The following ADGRL3 variants were observed in gnomAD, a reference collection of about 807,000 sequenced individuals.
The protein encoded by ADGRL3 is calcium-independent alpha-latrotoxin receptor 3.
A neutral mutation model predicts 153.5 loss-of-function variants in ADGRL3; 62 were observed. That is an observed-to-expected ratio of 0.40 (90% CI 0.33 to 0.50). ADGRL3 has a LOEUF of 0.50. Among genes scored for constraint, ADGRL3 ranks in the 20% least tolerant of loss-of-function variants. The probability of loss-of-function intolerance (pLI) is 0.47; values close to 1 mark genes in which losing one functional copy is unlikely to be tolerated. For synonymous variants in ADGRL3, 710 were observed against 672.5 expected (o/e 1.06, Z -0.86); for missense variants, 1,641 against 1,859.4 (o/e 0.88, Z 2.16).
intron 5 of ADGRL3, among the ~76,000 whole-genome samples, chr4:61,645,195 G>A (rs1178816901): frequency 2.6e-5 from 4 of 152,074 alleles, no homozygotes; most frequent in Admixed American, 2.6e-4. Flanking sequence ...ACATGAGATG[G>A]GTTTTCTGAA....
At chr4:61,334,752 G>A (rs2095643460) in intron 1 of ADGRL3, among the ~76,000 whole-genome samples, 1 of 151,986 alleles carries the variant, frequency 6.6e-6, no homozygotes, top group African/African-American at 2.4e-5. Context: ...GACTTTGCTA[G>A]GCAAGAATAT....
intron 1 of ADGRL3, among the ~76,000 whole-genome samples, chr4:61,374,361 G>C (rs959817345): frequency 1.3e-5 from 2 of 152,096 alleles, no homozygotes; most frequent in African/African-American, 4.8e-5. Context: ...GAAAGAATAA[G>C]TAGGTCTTGA....
intron 2 of ADGRL3, among the ~76,000 whole-genome samples, chr4:61,439,075 G>A (rs1437570822): frequency 6.6e-6 from 1 of 152,040 alleles, no homozygotes; most frequent in Non-Finnish European, 1.5e-5. Flanking sequence ...AAGATACTGA[G>A]CTAAGTATAT....
chr4:61,432,944 C>A (rs370731297), intron 2 of ADGRL3, among the ~76,000 whole-genome samples: 96 of 151,936 alleles, frequency 6.3e-4, no homozygotes, highest in African/African-American at 2.2e-3. Flanking sequence ...TGAGCCACTG[C>A]GCCAGGCCAC....
At chr4:61,367,395 A>T (rs1278829974) in intron 1 of ADGRL3, among the ~76,000 whole-genome samples, 1 of 121,422 alleles carries the variant, frequency 8.2e-6, no homozygotes, top group Non-Finnish European at 1.7e-5. Context: ...CACTCCCCCC[A>T]CCCCACAACA....
At chr4:61,373,193 G>T (rs1046095425) in intron 1 of ADGRL3, among the ~76,000 whole-genome samples, 1 of 152,128 alleles carries the variant, frequency 6.6e-6, no homozygotes, top group Non-Finnish European at 1.5e-5. Flanking sequence ...CGTCTTCGTC[G>T]CTCAGGCTGG....
intron 9 of ADGRL3, among the ~76,000 whole-genome samples, chr4:61,882,345 T>TA (rs894599156): frequency 6.6e-6 from 1 of 152,164 alleles, no homozygotes; most frequent in African/African-American, 2.4e-5. Flanking sequence ...CCACGTGTCT[T>TA]ACACCCCCAT....
chr4:61,718,719 G>T (rs964169291), intron 6 of ADGRL3, among the ~76,000 whole-genome samples: 1 of 152,074 alleles, frequency 6.6e-6, no homozygotes, highest in Non-Finnish European at 1.5e-5. Context: ...TATATTGTTG[G>T]TAGTTCCTTC....
intron 9 of ADGRL3, among the ~76,000 whole-genome samples, chr4:61,821,923 T>C (rs1426260196): frequency 6.6e-6 from 1 of 152,272 alleles, no homozygotes; most frequent in Middle Eastern, 3.4e-3. Context: ...CTATTACAAA[T>C]TGGAAACATT....
chr4:61,399,229 A>G (rs2096902653), intron 2 of ADGRL3, among the ~76,000 whole-genome samples: 1 of 151,724 alleles, frequency 6.6e-6, no homozygotes, highest in Non-Finnish European at 1.5e-5. Context: ...TTAAGGATGT[A>G]TAATATTTAA....
intron 6 of ADGRL3, among the ~76,000 whole-genome samples, chr4:61,690,009 C>T (rs7687302): frequency 0.56 from 84,435 of 151,916 alleles, 24,322 homozygotes; most frequent in Non-Finnish European, 0.66. Context: ...CACATTAAAT[C>T]GCTACACACT....
intron 8 of ADGRL3, among the ~76,000 whole-genome samples, chr4:61,735,340 C>T (rs562420727): frequency 2.7e-4 from 41 of 152,292 alleles, no homozygotes; most frequent in Non-Finnish European, 4.1e-4. Context: ...GCTGATATTA[C>T]GTTGAATTGG....
chr4:61,908,498 G>C (rs1312907439), intron 11 of ADGRL3, among the ~76,000 whole-genome samples: 1 of 151,800 alleles, frequency 6.6e-6, no homozygotes, highest in Non-Finnish European at 1.5e-5. Context: ...TTGGGAGGCT[G>C]GGACAGGAGG....
In ADGRL3 at chr4:62,040,780, A is replaced by G. The variant is rs149057095; in HGVS notation, c.3717+2924A>G. Among the ~76,000 whole-genome samples, 400 of 152,248 alleles carry G rather than the reference A, an allele frequency of 2.6e-3. 2 individuals are homozygous for G. Among genetic ancestry groups the G allele is most frequent in the African/African-American group, 9.3e-3 (388 of 41,568 alleles). ...TATCAAATGGGAGAGCTGACGGAGAACAAAAATATGATGATGTCAATTAGC... is the reference window on the plus strand; with the variant it reads ...TATCAAATGGGAGAGCTGACGGAGAGCAAAAATATGATGATGTCAATTAGC... On this transcript the variant is annotated intron_variant, in intron 24 of 26. Transcript: ENST00000683033.
At chr4:61,898,310 T>C (rs1175996178) in intron 11 of ADGRL3, among the ~76,000 whole-genome samples, 2 of 152,130 alleles carry the variant, frequency 1.3e-5, no homozygotes, top group African/African-American at 4.8e-5. Context: ...ATCAGCATTG[T>C]TGTCTAAGGT....
intron 8 of ADGRL3, among the ~76,000 whole-genome samples, chr4:61,767,717 TC>T (rs1436337685): frequency 5.3e-5 from 8 of 152,122 alleles, no homozygotes; most frequent in Admixed American, 1.3e-4. Flanking sequence ...CTGCGGGTGT[TC>T]CTTGGCCCAG....
intron 8 of ADGRL3, among the ~76,000 whole-genome samples, chr4:61,753,529 C>T (rs1386154428): frequency 1.3e-5 from 2 of 152,082 alleles, no homozygotes; most frequent in East Asian, 1.9e-4. Flanking sequence ...GGTTTTAACC[C>T]TCAGTGGTAA....
intron 19 of ADGRL3, among the ~76,000 whole-genome samples, chr4:61,985,984 T>C (rs1560469001): frequency 6.6e-6 from 1 of 150,550 alleles, no homozygotes; most frequent in Non-Finnish European, 1.5e-5. Context: ...TAGGTTGATA[T>C]AGGTTTGTTT....
chr4:61,585,233 A>T (rs960122818), intron 4 of ADGRL3, among the ~76,000 whole-genome samples: 1 of 152,004 alleles, frequency 6.6e-6, no homozygotes. Context: ...GTGCAGCTTG[A>T]ATAACTTCAA....
Sources: gnomAD v4.1 joint callset for allele counts (sites outside exome capture counted in the v4.1 genomes callset) on GRCh38, gnomAD v4.1.1 for gene constraint, MANE v1.5 for transcripts, NCBI Gene and HGNC (gene_info 2026-07-23, HGNC 2026-07-21) for gene names.